The following RSRC1 variants were observed in gnomAD, a reference collection of about 807,000 sequenced individuals.
RSRC1 encodes arginine and serine rich coiled-coil 1, also known as serine/Arginine-related protein 53.
A neutral mutation model predicts 49.1 loss-of-function variants in RSRC1; 39 were observed. The ratio of observed to expected loss-of-function variants is 0.79; its 90% CI spans 0.61 to 1.04. The LOEUF is 1.04. Among genes scored for constraint, RSRC1 ranks in the 50% least tolerant of loss-of-function variants. The pLI is 0.00. For missense variants in RSRC1, 388 were observed against 402.4 expected (o/e 0.96, Z 0.31); for synonymous variants, 143 against 130.8 (o/e 1.09, Z -0.63).
At chr3:158,366,675 A>G (rs56101139) in intron 6 of RSRC1, among the ~76,000 whole-genome samples, 18,057 of 152,076 alleles carry the variant, frequency 0.12, 1,315 homozygotes, top group Middle Eastern at 0.19. Flanking sequence ...GTTTTTTCCA[A>G]TTCTGTGAAG....
At chr3:158,313,223 ATT>A (rs1728228551) in intron 5 of RSRC1, among the ~76,000 whole-genome samples, 1 of 152,036 alleles carries the variant, frequency 6.6e-6, no homozygotes. Flanking sequence ...CATTACTAAT[ATT>A]ACTTAACCAT....
At chr3:158,187,572 C>T (rs969721394) in intron 3 of RSRC1, among the ~76,000 whole-genome samples, 1 of 152,002 alleles carries the variant, frequency 6.6e-6, no homozygotes, top group Admixed American at 6.6e-5. Flanking sequence ...CAAGCAACCC[C>T]TCTTTACAAA....
intron 3 of RSRC1, among the ~76,000 whole-genome samples, chr3:158,166,307 A>T (rs1718532285): frequency 6.6e-6 from 1 of 152,160 alleles, no homozygotes; most frequent in East Asian, 1.9e-4. Flanking sequence ...TAATCATATG[A>T]TATCAGATTT....
intron 6 of RSRC1, among the ~76,000 whole-genome samples, chr3:158,357,607 C>G (rs989115047): frequency 2.0e-5 from 3 of 152,072 alleles, no homozygotes; most frequent in African/African-American, 7.2e-5. Flanking sequence ...TTCTAGTTGT[C>G]TTTTTGGTGA....
chr3:158,501,913 TG>T (rs1235208719), intron 7 of RSRC1, among the ~76,000 whole-genome samples: 1 of 152,202 alleles, frequency 6.6e-6, no homozygotes, highest in Admixed American at 6.5e-5. Context: ...CTGTGTATTT[TG>T]TTTTTTGTTT....
chr3:158,465,712 G>T (rs182177563), intron 7 of RSRC1, among the ~76,000 whole-genome samples: 278 of 152,106 alleles, frequency 1.8e-3, no homozygotes, highest in Non-Finnish European at 3.2e-3. Context: ...TTATTAGGTG[G>T]TTCCATTGTA....
intron 4 of RSRC1, among the ~76,000 whole-genome samples, chr3:158,240,043 T>G (rs2107990238): frequency 6.6e-6 from 1 of 152,302 alleles, no homozygotes; most frequent in South Asian, 2.1e-4. Flanking sequence ...CTGTAATATA[T>G]TTGTCTTTAC....
chr3:158,472,856 A>G (rs1220556465), intron 7 of RSRC1, among the ~76,000 whole-genome samples: 1 of 152,098 alleles, frequency 6.6e-6, no homozygotes, highest in African/African-American at 2.4e-5. Flanking sequence ...ATTAGATCCC[A>G]TTTGTCAATT....
intron 6 of RSRC1, among the ~76,000 whole-genome samples, chr3:158,366,610 G>A (rs1049361801): frequency 1.3e-5 from 2 of 151,762 alleles, no homozygotes; most frequent in African/African-American, 4.9e-5. Flanking sequence ...TTTTTGCTTA[G>A]GATTGTCTTG....
At position 158,544,163 on chromosome 3, in the gene RSRC1, TTTTTC is replaced by T; in HGVS notation, c.913-12_913-8del. On this transcript the variant is annotated splice_polypyrimidine_tract_variant and intron_variant, in intron 9 of 9. Coordinates refer to ENST00000611884, the MANE Select transcript of RSRC1 (RefSeq NM_001271838.2). ...TATTGGGAGACAGTAACATTTTTTC[TTTTTC>T]TTTTCTTATTTCAGTTATTTATCGA... The T allele has an allele frequency of 1.9e-6, 3 of 1,570,778 alleles. No homozygotes were observed. Among genetic ancestry groups the T allele is most frequent in the Non-Finnish European group, 1.7e-6 (2 of 1,144,744 alleles).
At chr3:158,517,755 ATTTTTTTTTTTTTTTTTTTTTTT>A (rs766129663) in intron 7 of RSRC1, among the ~76,000 whole-genome samples, 5 of 35,174 alleles carry the variant, frequency 1.4e-4, no homozygotes, top group East Asian at 1.1e-3. Flanking sequence ...CACCCAGCTA[ATTTTTTTTTTTTTTTTTTTTTTT>A]TTTTTTTTTT....
chr3:158,288,353 G>A (rs1388695914), intron 4 of RSRC1, among the ~76,000 whole-genome samples: 1 of 152,140 alleles, frequency 6.6e-6, no homozygotes, highest in African/African-American at 2.4e-5. Context: ...CTTGAACAAG[G>A]TCAAGAGCAT....
chr3:158,346,414 A>G (rs1730556871), intron 5 of RSRC1, among the ~76,000 whole-genome samples: 1 of 152,222 alleles, frequency 6.6e-6, no homozygotes, highest in Admixed American at 6.5e-5. Context: ...GAAATAAATT[A>G]CTTTTGTTAA....
At chr3:158,219,260 A>T (rs560645137) in intron 4 of RSRC1, among the ~76,000 whole-genome samples, 1 of 151,736 alleles carries the variant, frequency 6.6e-6, no homozygotes, top group East Asian at 1.9e-4. Flanking sequence ...ACAAGGTGAC[A>T]TCAAGCATTG....
At chr3:158,230,973 A>G (rs1163740648) in intron 4 of RSRC1, among the ~76,000 whole-genome samples, 2 of 152,090 alleles carry the variant, frequency 1.3e-5, no homozygotes, top group African/African-American at 2.4e-5. Context: ...TTCCTGAAGG[A>G]TTAGAATGTA....
At chr3:158,499,227 A>C (rs1258027905) in intron 7 of RSRC1, among the ~76,000 whole-genome samples, 1 of 152,128 alleles carries the variant, frequency 6.6e-6, no homozygotes, top group Admixed American at 6.5e-5. Flanking sequence ...AATACAAAAA[A>C]TTAGCCAGGC....
At chr3:158,281,675 T>C (rs558992265) in intron 4 of RSRC1, among the ~76,000 whole-genome samples, 1 of 152,342 alleles carries the variant, frequency 6.6e-6, no homozygotes, top group South Asian at 2.1e-4. Context: ...AGCATGGGCT[T>C]ATCAACATGA....
chr3:158,471,236 T>G (rs1014273896), intron 7 of RSRC1, among the ~76,000 whole-genome samples: 1 of 152,170 alleles, frequency 6.6e-6, no homozygotes, highest in African/African-American at 2.4e-5. Flanking sequence ...ATAAGTAGAT[T>G]AGGATATAAA....
chr3:158,180,076 T>C (rs1719488768), intron 3 of RSRC1, among the ~76,000 whole-genome samples: 1 of 152,192 alleles, frequency 6.6e-6, no homozygotes, highest in Admixed American at 6.5e-5. Flanking sequence ...TCTAATTGAA[T>C]AGTTTTTTTG....
Sources: allele counts gnomAD v4.1 joint callset (sites outside exome capture counted in the v4.1 genomes callset), GRCh38; gene constraint gnomAD v4.1.1; transcripts MANE v1.5; gene names NCBI Gene and HGNC (gene_info 2026-07-23, HGNC 2026-07-21).